CREB3L1: variants seen among roughly 807,000 people sequenced by gnomAD.
CREB3L1 encodes the protein cAMP responsive element binding protein 3 like 1.
CREB3L1 carries 33 observed loss-of-function variants against 54.5 expected under a neutral mutation model. The observed-to-expected ratio is 0.61, with a 90% CI of 0.46 to 0.81. The LOEUF (loss-of-function observed/expected upper bound fraction) is 0.81, where lower values mean the gene tolerates loss of function less well. Among genes scored for constraint, CREB3L1 ranks in the 30% least tolerant of loss-of-function variants. CREB3L1 has a pLI of 0.00. For synonymous variants in CREB3L1, 284 were observed against 286.4 expected, an observed-to-expected ratio of 0.99 and a Z score of 0.08; for missense variants, 656 against 673.3, an observed-to-expected ratio of 0.97 and a Z score of 0.29.
rs565543852 is a variant in CREB3L1, at chr11:46,295,633, A to G, written c.103-4302A>G. ...GCCCTGCACTCCTCCGGTGCCCTCC[A>G]CGCCGCCACCGGCTGCTGCTCGCAG... On this transcript the variant is annotated intron_variant, in intron 1 of 11. Coordinates refer to ENST00000621158, the MANE Select transcript of CREB3L1 (RefSeq NM_052854.4). The surrounding 1 kb of genome is among the most constrained non-coding windows in gnomAD (Gnocchi z 4.6). Among the ~76,000 whole-genome samples the G allele has an allele frequency of 3.9e-5, 6 of 152,110 alleles. No individual in the cohort carries two copies. Among genetic ancestry groups the G allele is most frequent in the Non-Finnish European group, 4.4e-5 (3 of 67,996 alleles).
rs561914542 is a variant in CREB3L1, at chr11:46,300,741, C to A, written c.331+578C>A. The stretch of plus-strand genomic sequence containing the variant: ...AAATACAGGGCCGGGCGCGGTGGCT[C>A]ACGCCTGTAATCCCAGCACTCTGGG... On this transcript the variant is annotated intron_variant, in intron 2 of 11. Coordinates refer to ENST00000621158, the MANE Select transcript of CREB3L1 (RefSeq NM_052854.4). Among the ~76,000 whole-genome samples, 31 of 150,882 alleles carry A rather than the reference C, an allele frequency of 2.1e-4. 1 individual carries two copies. In the South Asian group the frequency reaches 6.3e-3, roughly 31 times the overall value.
At chr11:46,308,025 G>A (rs757312815) in intron 3 of CREB3L1, 25 bp downstream of exon 3, 41 of 1,485,556 alleles carry the variant, frequency 2.8e-5, no homozygotes, top group African/African-American at 7.1e-5. Context: ...TGTTTGTAGC[G>A]GCTGAGGGAG....
At chr11:46,302,443 C>A (rs564359137) in intron 2 of CREB3L1, among the ~76,000 whole-genome samples, 2 of 152,248 alleles carry the variant, frequency 1.3e-5, no homozygotes, top group Admixed American at 6.5e-5. Flanking sequence ...TAGAAATGGT[C>A]CCTTCGGGCA....
Position 46,278,138 on chromosome 11 carries a change from G to A in CREB3L1, c.27G>A (p.Pro9=), listed in dbSNP as rs373536954. 17 of 1,564,784 alleles carry A rather than the reference G, an allele frequency of 1.1e-5. No individual in the cohort carries two copies. In the African/African-American group the frequency reaches 1.8e-4, roughly 16 times the overall value. MDAVLEPF[P]ADRLFPGSSF... ...TGGACGCCGTCTTGGAACCCTTCCC[G>A]GCCGACAGGCTGTTCCCCGGATCCA... The change falls in exon 1 of 12, where the codon CCG becomes CCA. Residue 9 remains proline, a synonymous_variant. Coordinates refer to ENST00000621158, the MANE Select transcript of CREB3L1 (RefSeq NM_052854.4). This position sits in a 1 kb window ranked among gnomAD's most constrained non-coding sequence, Gnocchi z 4.2.
chr11:46,299,351 G>C (rs561969487), intron 1 of CREB3L1, among the ~76,000 whole-genome samples: 1 of 152,112 alleles, frequency 6.6e-6, no homozygotes, highest in South Asian at 2.1e-4. Flanking sequence ...GAGAGACCCC[G>C]AAGTCTTGAG....
chr11:46,318,978 C>T (rs185261526), intron 10 of CREB3L1, among the ~76,000 whole-genome samples: 1 of 152,212 alleles, frequency 6.6e-6, no homozygotes, highest in East Asian at 1.9e-4. Context: ...GGGGTGGTCA[C>T]TAAAGGCGGG....
chr11:46,282,400 G>A (rs1590336743), intron 1 of CREB3L1, among the ~76,000 whole-genome samples: 1 of 152,180 alleles, frequency 6.6e-6, no homozygotes, highest in Non-Finnish European at 1.5e-5. Flanking sequence ...CAGGGGATTT[G>A]AACTTGTGGC....
intron 1 of CREB3L1, among the ~76,000 whole-genome samples, chr11:46,292,313 C>T (rs1224436145): frequency 6.6e-6 from 1 of 152,214 alleles, no homozygotes; most frequent in Non-Finnish European, 1.5e-5. Context: ...TTCCTGGAGG[C>T]TCTCTGCTAC....
Position 46,312,914 on chromosome 11 carries a change from C to A in CREB3L1, c.1026C>A (p.Ala342=). Residue 342 remains alanine (A), a synonymous_variant, in exon 8 of 12, where the codon GCC becomes GCA. Transcript: ENST00000621158. ...LWKKVETLEN[A]NRTLLQQLQK... ...AGAAGGTGGAGACCCTGGAGAATGC[C>A]AACAGGTGGGTAGTGCCTCCTGCAT... The A allele has an allele frequency of 6.3e-7, 1 of 1,582,824 alleles. No individual in the cohort carries two copies. Among genetic ancestry groups the A allele is most frequent in the Non-Finnish European group, 8.6e-7 (1 of 1,164,706 alleles).
At chr11:46,279,653 T>C (rs1938937113) in intron 1 of CREB3L1, among the ~76,000 whole-genome samples, 1 of 152,112 alleles carries the variant, frequency 6.6e-6, no homozygotes, top group Non-Finnish European at 1.5e-5. Flanking sequence ...TTCCTATAGA[T>C]GGTTCTGGCA....
At chr11:46,290,279 T>C (rs1292631215) in intron 1 of CREB3L1, among the ~76,000 whole-genome samples, 1 of 151,832 alleles carries the variant, frequency 6.6e-6, no homozygotes, top group South Asian at 2.1e-4. Flanking sequence ...GATTCCCCCA[T>C]CTCCTCCAAT....
intron 1 of CREB3L1, among the ~76,000 whole-genome samples, chr11:46,285,125 G>A (rs1024424658): frequency 3.9e-5 from 6 of 152,296 alleles, no homozygotes; most frequent in African/African-American, 1.4e-4. Flanking sequence ...CAGGAGAGGG[G>A]AGCATAAAGG....
chr11:46,289,699 A>C (rs1211384922), intron 1 of CREB3L1, among the ~76,000 whole-genome samples: 1 of 152,218 alleles, frequency 6.6e-6, no homozygotes, highest in Admixed American at 6.5e-5. Context: ...GGACCACAGC[A>C]GGTTTAAGGA....
intron 1 of CREB3L1, among the ~76,000 whole-genome samples, chr11:46,292,459 C>T (rs1270531839): frequency 6.6e-6 from 1 of 152,138 alleles, no homozygotes; most frequent in Non-Finnish European, 1.5e-5. Context: ...CAGATTCAAA[C>T]GAGAATTGGA....
At chr11:46,310,909 G>A in intron 4 of CREB3L1, 123 bp from the exon 5 acceptor site, 1 of 1,406,162 alleles carries the variant, frequency 7.1e-7, no homozygotes, top group South Asian at 1.5e-5. Flanking sequence ...CTGAGACCAA[G>A]CGCCTGGCAG....
intron 3 of CREB3L1, among the ~76,000 whole-genome samples, chr11:46,309,695 T>G (rs987248169): frequency 2.0e-5 from 3 of 152,222 alleles, no homozygotes; most frequent in Non-Finnish European, 4.4e-5. Flanking sequence ...CCAAAGCCTG[T>G]GTGGCCTTCA....
intron 5 of CREB3L1, 119 bp from the exon 6 acceptor site, chr11:46,312,206 G>A (rs1590350453): frequency 1.2e-6 from 1 of 831,278 alleles, no homozygotes; most frequent in Non-Finnish European, 1.9e-6. Context: ...TTCCAGATGA[G>A]GAAACTGAGG....
At chr11:46,310,911 G>A (rs1027334112) in intron 4 of CREB3L1, 121 bp from the exon 5 acceptor site, 139 of 1,405,936 alleles carry the variant, frequency 9.9e-5, no homozygotes, top group Non-Finnish European at 1.2e-4. Flanking sequence ...GAGACCAAGC[G>A]CCTGGCAGTC....
chr11:46,305,670 ATATG>A (rs1409569209), intron 2 of CREB3L1, among the ~76,000 whole-genome samples: 16,956 of 129,528 alleles, frequency 0.13, 1,396 homozygotes, highest in Non-Finnish European at 0.15. Context: ...GTGTGTATAT[ATATG>A]TGTGTGTGTG....
Sources: allele counts gnomAD v4.1 joint callset (sites outside exome capture counted in the v4.1 genomes callset), GRCh38; gene constraint gnomAD v4.1.1; non-coding constraint Gnocchi (gnomAD v3.1); transcripts MANE v1.5; gene names NCBI Gene and HGNC (gene_info 2026-07-23, HGNC 2026-07-21).